Variants in PLCE1 observed in about 807,000 individuals in gnomAD.
The protein encoded by PLCE1 is phospholipase C epsilon 1.
In PLCE1, 119 loss-of-function variants were observed where a neutral mutation model predicts 242.8. That is an observed-to-expected ratio of 0.49 (90% confidence interval 0.42 to 0.57). The LOEUF is 0.57. Among genes scored for constraint, PLCE1 ranks in the 20% least tolerant of loss-of-function variants. The pLI, the probability that PLCE1 is intolerant of heterozygous loss-of-function variation, is 0.00. For missense variants in PLCE1, 2,441 were observed against 2,788.8 expected (o/e 0.88, Z 2.81); for synonymous variants, 945 against 1,017.4 (o/e 0.93, Z 1.35).
At chr10:94,048,376 A>G (rs1355461246) in intron 2 of PLCE1, among the ~76,000 whole-genome samples, 1 of 152,108 alleles carries the variant, frequency 6.6e-6, no homozygotes, top group Non-Finnish European at 1.5e-5. Flanking sequence ...TGGTTGCATC[A>G]GTTTACACAC....
rs1176901831 is a variant in PLCE1 at position 94,030,757 on chromosome 10, C to G, written c.-290C>G. On this transcript the variant is annotated 5_prime_UTR_variant, in exon 2 of 33. It adds an upstream start codon to the 5' untranslated region. Coordinates refer to ENST00000371380, the MANE Select transcript of PLCE1 (RefSeq NM_016341.4). ...TGGATCAGAAGTTGCAGAGTGCAAT[C>G]CCGAGTAAAAGTCTTCAAAAAATTT... 2.4e-6 allele frequency: 1 copy of G among 422,374 alleles called. No homozygotes were observed. Among genetic ancestry groups the G allele is most frequent in the East Asian group, 4.9e-5 (1 of 20,234 alleles). The allele number at this position is 422,374 out of a possible 1,614,324, so 26.2% of individuals were successfully genotyped here.
At chr10:94,082,746 G>A (rs1282007403) in intron 2 of PLCE1, among the ~76,000 whole-genome samples, 1 of 152,074 alleles carries the variant, frequency 6.6e-6, no homozygotes, top group Non-Finnish European at 1.5e-5. Context: ...CCATACATTA[G>A]CAATGAACCA....
At chr10:94,063,994 A>G (rs2044131749) in intron 2 of PLCE1, among the ~76,000 whole-genome samples, 1 of 152,156 alleles carries the variant, frequency 6.6e-6, no homozygotes, top group East Asian at 1.9e-4. Context: ...ACGCAGGAGC[A>G]GGAGTAGGGG....
At chr10:94,270,460 C>A (rs770120048) in intron 17 of PLCE1, 26 bp from the exon 18 acceptor site, 97 of 1,453,984 alleles carry the variant, frequency 6.7e-5, no homozygotes, top group Non-Finnish European at 8.9e-5. Context: ...TATCTGGACT[C>A]TAATGAGCTG....
At chr10:94,086,968 A>G (rs1271180372) in intron 2 of PLCE1, among the ~76,000 whole-genome samples, 1 of 152,186 alleles carries the variant, frequency 6.6e-6, no homozygotes, top group Admixed American at 6.5e-5. Flanking sequence ...GGTGATTAGT[A>G]TTCTTGTAAT....
chr10:94,160,292 CTT>C (rs1378985868), intron 3 of PLCE1, among the ~76,000 whole-genome samples: 1 of 152,128 alleles, frequency 6.6e-6, no homozygotes, highest in Non-Finnish European at 1.5e-5. Context: ...TGTTTCCTGA[CTT>C]TTTAATGATT....
intron 10 of PLCE1, 33 bp downstream of exon 10, chr10:94,254,340 T>G (rs1369675509): frequency 4.1e-6 from 6 of 1,455,766 alleles, no homozygotes; most frequent in Non-Finnish European, 5.8e-6. Flanking sequence ...GAGATTTTTG[T>G]TTTTTAATTT....
intron 2 of PLCE1, among the ~76,000 whole-genome samples, chr10:94,048,312 A>G (rs1353784638): frequency 3.3e-5 from 5 of 152,182 alleles, no homozygotes; most frequent in African/African-American, 4.8e-5. Flanking sequence ...CTGTTGAAAC[A>G]CAGGGTATGT....
chr10:94,241,808 G>A (rs905390846), intron 7 of PLCE1, among the ~76,000 whole-genome samples: 27 of 138,214 alleles, frequency 2.0e-4, no homozygotes, highest in East Asian at 1.4e-3. Flanking sequence ...AAAAAAAAAA[G>A]CCCCTCTAGA....
intron 2 of PLCE1, among the ~76,000 whole-genome samples, chr10:94,103,568 T>C (rs1409922170): frequency 6.6e-6 from 1 of 152,248 alleles, no homozygotes; most frequent in African/African-American, 2.4e-5. Context: ...AGAAATTTGC[T>C]GTACAAACCA....
chr10:94,012,910 C>T (rs961779638), intron 1 of PLCE1, among the ~76,000 whole-genome samples: 4 of 152,122 alleles, frequency 2.6e-5, no homozygotes, highest in African/African-American at 9.7e-5. Flanking sequence ...TCTAGAAAGC[C>T]TTCCTTGACT....
intron 8 of PLCE1, among the ~76,000 whole-genome samples, chr10:94,251,287 A>G (rs2050865362): frequency 6.6e-6 from 1 of 152,196 alleles, no homozygotes; most frequent in South Asian, 2.1e-4. Flanking sequence ...AGGATGCAGG[A>G]AGTGGGAATG....
chr10:94,257,054 C>G (rs962981348), intron 11 of PLCE1, among the ~76,000 whole-genome samples: 12 of 152,164 alleles, frequency 7.9e-5, no homozygotes, highest in African/African-American at 2.9e-4. Context: ...CCCTATGTTT[C>G]CTGCACTACA....
chr10:94,323,580 T>G (rs1175685980), intron 30 of PLCE1, among the ~76,000 whole-genome samples: 7 of 152,230 alleles, frequency 4.6e-5, no homozygotes, highest in Non-Finnish European at 8.8e-5. Flanking sequence ...AATATGGAGA[T>G]AGTATGATAG....
intron 4 of PLCE1, among the ~76,000 whole-genome samples, chr10:94,192,890 C>A (rs1381494553): frequency 7.0e-6 from 1 of 143,740 alleles, no homozygotes; most frequent in Non-Finnish European, 1.5e-5. Context: ...CTGGAACGCA[C>A]CCGCTCTCAT....
At position 94,283,940 on chromosome 10, in the gene PLCE1, C is replaced by T. The variant is rs757041547; in HGVS notation, c.4917+29C>T. ...GGTGAACGGTTTCTGTTAAATGACA[C>T]TTTGACCATGTGGTACTCTTGTCAG... On this transcript the variant is annotated intron_variant, in intron 21 of 32. Transcript: ENST00000371380. The T allele has an allele frequency of 3.1e-6, 5 of 1,604,714 alleles. No homozygotes were observed. The East Asian group carries it at 1.1e-4, about 36-fold the overall frequency.
rs1265433462 is a variant in PLCE1, at chr10:94,211,932, G to A, written c.1810-15374G>A. On this transcript the variant is annotated intron_variant, in intron 4 of 32. Coordinates refer to ENST00000371380, the MANE Select transcript of PLCE1 (RefSeq NM_016341.4). ...CAGAGAGACCCCTGTCAATATTGCA[G>A]CATTATTCTAAATGTTAATTAATGT... Among the ~76,000 whole-genome samples, 19 of 152,140 alleles carry A rather than the reference G, an allele frequency of 1.2e-4. No homozygotes were observed. The South Asian group carries it at 2.1e-3, about 17-fold the overall frequency.
chr10:94,230,721 C>G (rs1242605556), intron 5 of PLCE1, among the ~76,000 whole-genome samples: 3 of 152,128 alleles, frequency 2.0e-5, no homozygotes, highest in Non-Finnish European at 4.4e-5. Flanking sequence ...GTAATCCTCC[C>G]ACTTTGGCTT....
intron 2 of PLCE1, among the ~76,000 whole-genome samples, chr10:94,053,196 T>A (rs1380609268): frequency 1.3e-5 from 2 of 152,160 alleles, no homozygotes; most frequent in Non-Finnish European, 2.9e-5. Context: ...ATTTACTTAA[T>A]CTCCCTAAGC....
Sources: gnomAD v4.1 joint callset for allele counts (sites outside exome capture counted in the v4.1 genomes callset) on GRCh38, gnomAD v4.1.1 for gene constraint, MANE v1.5 for transcripts, NCBI Gene and HGNC (gene_info 2026-07-23, HGNC 2026-07-21) for gene names.